EFCAB6: variants seen among roughly 807,000 people sequenced by gnomAD.
EFCAB6 encodes EF-hand calcium-binding domain-containing protein 6.
Under a neutral mutation model 169.8 loss-of-function variants are expected in EFCAB6, and 156 were observed. The ratio of observed to expected loss-of-function variants is 0.92; its 90% CI spans 0.81 to 1.05. EFCAB6 has a LOEUF of 1.05. Among genes scored for constraint, EFCAB6 ranks in the 50% least tolerant of loss-of-function variants. The pLI is 0.00. For synonymous variants in EFCAB6, 698 were observed against 676.4 expected (o/e 1.03, Z -0.50); for missense variants, 1,800 against 1,829.1 (o/e 0.98, Z 0.29).
At position 43,628,729 on chromosome 22, in the gene EFCAB6, C is replaced by A. The variant is rs1954321608; in HGVS notation, c.2233-2050G>T. ...TGACTGTGTCTGAGTGTCCCCTCTC[C>A]AGAGAGGCACTTCCTGACTCCTCTG... is the stretch of plus-strand genomic sequence containing the variant. On this transcript the variant is annotated intron_variant, in intron 19 of 31. Coordinates refer to ENST00000262726, the MANE Select transcript of EFCAB6 (RefSeq NM_022785.4). The surrounding 1 kb of genome is among the most constrained non-coding windows in gnomAD (Gnocchi z 4.8). Among the ~76,000 whole-genome samples, 1 of 152,180 alleles carries A rather than the reference C, an allele frequency of 6.6e-6. No individual in the cohort carries two copies. The highest frequency in any genetic ancestry group is 6.5e-5 in the Admixed American group (1 of 15,280).
intron 8 of EFCAB6, among the ~76,000 whole-genome samples, chr22:43,728,857 T>C (rs764014940): frequency 1.4e-4 from 21 of 152,318 alleles, no homozygotes; most frequent in Non-Finnish European, 4.4e-5. Context: ...ATTCTGTAGG[T>C]TGCCTGTTTA....
chr22:43,654,276 G>T (rs1331272354), intron 17 of EFCAB6, among the ~76,000 whole-genome samples: 1 of 151,636 alleles, frequency 6.6e-6, no homozygotes, highest in African/African-American at 2.4e-5. Context: ...CTGGAGCATT[G>T]TAACTCCCCA....
At chr22:43,601,444 T>C (rs929116241) in intron 22 of EFCAB6, among the ~76,000 whole-genome samples, 1 of 152,232 alleles carries the variant, frequency 6.6e-6, no homozygotes, top group Non-Finnish European at 1.5e-5. Context: ...TTACAAGGAA[T>C]GAGACTATAT....
At chr22:43,580,366 G>C (rs1259929647) in intron 25 of EFCAB6, 98 bp downstream of exon 25, 1 of 1,314,238 alleles carries the variant, frequency 7.6e-7, no homozygotes. Flanking sequence ...ACCCCAAGGA[G>C]AATGAACAGA....
chr22:43,636,108 G>C (rs920622384), intron 17 of EFCAB6, among the ~76,000 whole-genome samples: 4 of 152,206 alleles, frequency 2.6e-5, no homozygotes, highest in Admixed American at 6.5e-5. Flanking sequence ...ATGGGCCAAG[G>C]GGCCAAAGAC....
chr22:43,596,410 C>T (rs543779406), intron 23 of EFCAB6, among the ~76,000 whole-genome samples: 16 of 151,994 alleles, frequency 1.1e-4, no homozygotes, highest in East Asian at 3.9e-4. Context: ...TTTTAGGATA[C>T]GAAATCAATA....
At chr22:43,542,782 T>C (rs1174468143) in intron 27 of EFCAB6, among the ~76,000 whole-genome samples, 4 of 152,014 alleles carry the variant, frequency 2.6e-5, no homozygotes, top group African/African-American at 9.7e-5. Context: ...GGATGGGGGC[T>C]GAAGGGCACA....
chr22:43,703,996 T>C (rs891154054), intron 10 of EFCAB6, among the ~76,000 whole-genome samples: 1 of 152,092 alleles, frequency 6.6e-6, no homozygotes, highest in Admixed American at 6.5e-5. Flanking sequence ...AAGATACCAG[T>C]ATCCCCAAGT....
Position 43,744,086 on chromosome 22 carries a change from TGATGAATG to T in EFCAB6, c.508-8101_508-8094del, listed in dbSNP as rs1334597324. On this transcript the variant is annotated intron_variant, in intron 6 of 31. Coordinates refer to ENST00000262726, the MANE Select transcript of EFCAB6 (RefSeq NM_022785.4). The surrounding 1 kb of genome is among the most constrained non-coding windows in gnomAD (Gnocchi z 4.3). Reference sequence around the variant, plus strand: ...ATGGATGAACGGATGAATGGATGAATGATGAATGAATGAATGAATGAATGAATGGATGG... The same window carrying T: ...ATGGATGAACGGATGAATGGATGAATAATGAATGAATGAATGAATGGATGG... 7.2e-6 allele frequency among the ~76,000 whole-genome samples: 1 copy of T among 139,462 alleles called. No individual in the cohort carries two copies. Among genetic ancestry groups the T allele is most frequent in the African/African-American group, 2.8e-5 (1 of 35,880 alleles). The allele number at this position is 139,462 out of a possible 152,430, so 91.5% of individuals were successfully genotyped here.
chr22:43,677,789 C>T (rs956211646), intron 13 of EFCAB6, among the ~76,000 whole-genome samples: 8 of 151,914 alleles, frequency 5.3e-5, no homozygotes, highest in South Asian at 2.1e-4. Context: ...TTTTCAGAAA[C>T]GTCAATTACC....
chr22:43,792,590 T>C (rs780555334), intron 2 of EFCAB6, among the ~76,000 whole-genome samples: 2 of 152,198 alleles, frequency 1.3e-5, no homozygotes, highest in Non-Finnish European at 2.9e-5. Flanking sequence ...AGTCAAGAAA[T>C]GTGCTAATAT....
chr22:43,687,463 T>TTTTTC lies in EFCAB6; in HGVS notation c.1142+7_1142+8insGAAAA. The TTTTTC allele has an allele frequency of 6.9e-7, 1 of 1,443,370 alleles. No individual in the cohort carries two copies. The highest frequency in any genetic ancestry group is 9.4e-7 in the Non-Finnish European group (1 of 1,063,528). The allele number at this position is 1,443,370 out of a possible 1,614,324, so 89.4% of individuals were successfully genotyped here. A position where few individuals can be genotyped will look rare whatever the true frequency, so the allele number is the denominator to read the frequency against. On this transcript the variant is annotated splice_region_variant and intron_variant, in intron 11 of 31. Coordinates refer to ENST00000262726, the MANE Select transcript of EFCAB6 (RefSeq NM_022785.4). ...CTAAAATTTGTTTTTTTTTTTTTTT[T>TTTTTC]TACATACCTATTTCTTTTTGTCAGG...
intron 21 of EFCAB6, among the ~76,000 whole-genome samples, chr22:43,612,322 C>T (rs1487800361): frequency 6.6e-6 from 1 of 152,120 alleles, no homozygotes; most frequent in African/African-American, 2.4e-5. Context: ...TTAGATTTGA[C>T]AGCTTCTGCA....
intron 17 of EFCAB6, among the ~76,000 whole-genome samples, chr22:43,655,150 G>A (rs1013673580): frequency 3.3e-4 from 50 of 152,136 alleles, no homozygotes; most frequent in Non-Finnish European, 5.3e-4. Context: ...CCAGCTACTC[G>A]GGAGGCTGAG....
chr22:43,677,986 C>T lies in EFCAB6; in HGVS notation c.1419+10G>A, dbSNP rs904152293. The T allele has an allele frequency of 6.3e-7, 1 of 1,599,164 alleles. No individual in the cohort carries two copies. Among genetic ancestry groups the T allele is most frequent in the Non-Finnish European group, 8.5e-7 (1 of 1,172,272 alleles). On this transcript the variant is annotated intron_variant, in intron 13 of 31. Coordinates refer to ENST00000262726, the MANE Select transcript of EFCAB6 (RefSeq NM_022785.4). ...GAGAAAACCAAACAGGAAGTTGTTA[C>T]AAAACTCACCCTACAGTTCTCTTCA...
At chr22:43,678,574 A>G (rs1378105350) in intron 12 of EFCAB6, among the ~76,000 whole-genome samples, 1 of 152,186 alleles carries the variant, frequency 6.6e-6, no homozygotes, top group Non-Finnish European at 1.5e-5. Context: ...CAGCAGTTCA[A>G]TTAGTTTGCC....
At chr22:43,782,444 T>G in intron 2 of EFCAB6, 119 bp from the exon 3 acceptor site, 1 of 820,968 alleles carries the variant, frequency 1.2e-6, no homozygotes, top group South Asian at 1.9e-5. Flanking sequence ...ATGATGCTAG[T>G]CATAATCTGC....
chr22:43,741,948 G>A (rs1202000225), intron 6 of EFCAB6, among the ~76,000 whole-genome samples: 2 of 152,070 alleles, frequency 1.3e-5, no homozygotes, highest in Admixed American at 6.5e-5. Context: ...AGCGCCTGGC[G>A]GGAGGAGTAC....
chr22:43,532,391 T>C (rs2047128617), intron 30 of EFCAB6, among the ~76,000 whole-genome samples: 1 of 152,134 alleles, frequency 6.6e-6, no homozygotes, highest in Non-Finnish European at 1.5e-5. Context: ...CCTAGCAAGG[T>C]CTTAGAGCCT....
Sources: allele counts gnomAD v4.1 joint callset (sites outside exome capture counted in the v4.1 genomes callset), GRCh38; gene constraint gnomAD v4.1.1; non-coding constraint Gnocchi (gnomAD v3.1); transcripts MANE v1.5; gene names NCBI Gene and HGNC (gene_info 2026-07-23, HGNC 2026-07-21).